FRAS1: variants seen among roughly 807,000 people sequenced by gnomAD.
FRAS1 encodes extracellular matrix organizing protein FRAS1.
A neutral mutation model predicts 435.2 loss-of-function variants in FRAS1; 290 were observed. The ratio of observed to expected loss-of-function variants is 0.67; its 90% confidence interval spans 0.61 to 0.73. FRAS1 has a LOEUF of 0.73. FRAS1 is among the 30% of genes least tolerant of loss of function. The pLI, the probability that FRAS1 is intolerant of heterozygous loss-of-function variation, is 0.00. For synonymous variants in FRAS1, 1,800 were observed against 1,851.0 expected, an observed-to-expected ratio of 0.97 and a Z score of 0.71; for missense variants, 4,860 against 5,001.5, an observed-to-expected ratio of 0.97 and a Z score of 0.85.
chr4:78,163,118 C>T (rs937011757), intron 2 of FRAS1, among the ~76,000 whole-genome samples: 17 of 152,108 alleles, frequency 1.1e-4, no homozygotes, highest in African/African-American at 4.1e-4. Flanking sequence ...AAAAATACAC[C>T]CAAACCTCAG....
At chr4:78,233,879 C>G (rs1454481023) in intron 2 of FRAS1, among the ~76,000 whole-genome samples, 2 of 152,184 alleles carry the variant, frequency 1.3e-5, no homozygotes, top group Non-Finnish European at 1.5e-5. Flanking sequence ...TCTGTAAAAT[C>G]GAAATCATAA....
chr4:78,150,938 C>A (rs1291465371), intron 2 of FRAS1, among the ~76,000 whole-genome samples: 1 of 152,148 alleles, frequency 6.6e-6, no homozygotes. Flanking sequence ...TTTCATTTTG[C>A]ATTTTATTGT....
intron 20 of FRAS1, among the ~76,000 whole-genome samples, chr4:78,355,205 G>T (rs1281097081): frequency 2.6e-5 from 4 of 152,010 alleles, no homozygotes; most frequent in East Asian, 1.9e-4. Flanking sequence ...GGGCTACCTT[G>T]TAATGTGTTT....
intron 14 of FRAS1, among the ~76,000 whole-genome samples, chr4:78,291,279 C>G (rs564630358): frequency 1.3e-4 from 20 of 152,192 alleles, no homozygotes; most frequent in Middle Eastern, 3.4e-3. Flanking sequence ...TTCCATGGAC[C>G]GGGGAGCTGG....
rs569549593 is a variant in FRAS1, at chr4:78,238,753, GC to G, written c.216+1139del. ...TGGTGGCAAAAACGCCATGAAAAAT[GC>G]CCTTCCCCACTTCATGTGAAGAATT... On this transcript the variant is annotated intron_variant, in intron 3 of 73. Coordinates refer to ENST00000512123, the MANE Select transcript of FRAS1 (RefSeq NM_025074.7). 4.4e-3 allele frequency among the ~76,000 whole-genome samples: 669 copies of G among 152,228 alleles called. 4 individuals are homozygous for G. Among genetic ancestry groups the G allele is most frequent in the African/African-American group, 0.015 (633 of 41,538 alleles).
intron 2 of FRAS1, chr4:78,180,893 G>A (rs1721969628): frequency 6.2e-7 from 1 of 1,602,790 alleles, no homozygotes; most frequent in East Asian, 2.2e-5. Context: ...ATGCCTCTGG[G>A]TCATCCACAT....
intron 14 of FRAS1, among the ~76,000 whole-genome samples, chr4:78,292,056 AC>A (rs1306792633): frequency 6.6e-6 from 1 of 152,228 alleles, no homozygotes; most frequent in East Asian, 1.9e-4. Flanking sequence ...ATGTATAAAT[AC>A]ATTATGCCTG....
chr4:78,375,655 G>T, intron 25 of FRAS1, 84 bp from the exon 26 acceptor site: 1 of 1,223,002 alleles, frequency 8.2e-7, no homozygotes, highest in South Asian at 1.6e-5. Context: ...CATGTGCTCT[G>T]ACTCTTCTGG....
At chr4:78,277,537 A>T (rs533709404) in intron 9 of FRAS1, among the ~76,000 whole-genome samples, 3 of 152,298 alleles carry the variant, frequency 2.0e-5, no homozygotes, top group Middle Eastern at 3.4e-3. Flanking sequence ...GGCTACAGAT[A>T]TTATATGTTA....
At chr4:78,355,393 G>A (rs1009390434) in intron 20 of FRAS1, among the ~76,000 whole-genome samples, 1 of 152,050 alleles carries the variant, frequency 6.6e-6, no homozygotes, top group African/African-American at 2.4e-5. Flanking sequence ...CTCTTAATGA[G>A]TCTTATATTT....
intron 2 of FRAS1, among the ~76,000 whole-genome samples, chr4:78,085,536 A>G (rs1196799738): frequency 6.6e-6 from 1 of 152,084 alleles, no homozygotes; most frequent in Non-Finnish European, 1.5e-5. Flanking sequence ...GAATATCTGG[A>G]AGATCTTTTC....
chr4:78,134,137 T>G lies in FRAS1; in HGVS notation c.108+68121T>G, dbSNP rs866179507. On this transcript the variant is annotated intron_variant, in intron 2 of 73. Coordinates refer to ENST00000512123, the MANE Select transcript of FRAS1 (RefSeq NM_025074.7). The stretch of plus-strand genomic sequence containing the variant: ...CCATGCCTGGCTAATTTTTTTGTAT[T>G]TTTGTAGAGGTGGGGTTTCGAGACG... 2.0e-5 allele frequency among the ~76,000 whole-genome samples: 3 copies of G among 152,030 alleles called. No homozygotes were observed. The South Asian group carries it at 6.2e-4, about 32-fold the overall frequency.
At chr4:78,526,032 C>T (rs1040438722) in intron 69 of FRAS1, among the ~76,000 whole-genome samples, 1 of 152,200 alleles carries the variant, frequency 6.6e-6, no homozygotes, top group Admixed American at 6.5e-5. Flanking sequence ...GGTGCTGCTT[C>T]CATATGCTCT....
rs538802339 is a variant in FRAS1, at chr4:78,464,057, C to G, written c.6800C>G (p.Thr2267Ser). 4 of 1,613,642 alleles carry G rather than the reference C, an allele frequency of 2.5e-6. No individual in the cohort carries two copies. Among genetic ancestry groups the G allele is most frequent in the East Asian group, 4.5e-5 (2 of 44,876 alleles). The change falls in exon 48 of 74, where the codon ACT (threonine) becomes AGT (serine). Residue 2267 changes from threonine (T) to serine (S), a missense_variant. Physicochemically the swap from Thr to Ser is moderately conservative, Grantham distance 58. Coordinates refer to ENST00000512123, the MANE Select transcript of FRAS1 (RefSeq NM_025074.7). ...QISSFTQADL[T>S]SRNVQYVHSS... ...AGTTCCTTTACTCAAGCTGATCTGA[C>G]TTCACGAAATGTTCAGTATGTCCAT...
chr4:78,222,672 C>T (rs1578193671), intron 2 of FRAS1, among the ~76,000 whole-genome samples: 1 of 152,276 alleles, frequency 6.6e-6, no homozygotes, highest in East Asian at 1.9e-4. Flanking sequence ...CCATCCATCC[C>T]ACCTGTGGGT....
chr4:78,522,555 T>G (rs749363337), intron 68 of FRAS1, 94 bp from the exon 69 acceptor site: 7 of 1,076,250 alleles, frequency 6.5e-6, no homozygotes, highest in Non-Finnish European at 9.3e-6. Context: ...GAACATTAAT[T>G]CAGTTCTCAG....
intron 34 of FRAS1, among the ~76,000 whole-genome samples, chr4:78,422,496 G>A (rs773818160): frequency 1.3e-5 from 2 of 152,182 alleles, no homozygotes; most frequent in African/African-American, 2.4e-5. Context: ...AGAAGCTGAC[G>A]AGGAAAAGTG....
At chr4:78,254,306 C>T (rs1725688443) in intron 5 of FRAS1, among the ~76,000 whole-genome samples, 1 of 152,198 alleles carries the variant, frequency 6.6e-6, no homozygotes, top group Non-Finnish European at 1.5e-5. Flanking sequence ...CTGGAAGGTA[C>T]ACTCTATTCT....
intron 20 of FRAS1, among the ~76,000 whole-genome samples, chr4:78,345,767 G>T (rs113666529): frequency 6.6e-6 from 1 of 151,110 alleles, no homozygotes; most frequent in Non-Finnish European, 1.5e-5. Context: ...CTCTGCAAAG[G>T]GGTGATTGAA....
Sources: allele counts gnomAD v4.1 joint callset (sites outside exome capture counted in the v4.1 genomes callset), GRCh38; gene constraint gnomAD v4.1.1; transcripts MANE v1.5; gene names NCBI Gene and HGNC (gene_info 2026-07-23, HGNC 2026-07-21).